The following PPIP5K2 variants were observed in gnomAD, a reference collection of about 807,000 sequenced individuals.
The protein encoded by PPIP5K2 is diphosphoinositol pentakisphosphate kinase 2.
In PPIP5K2, 105 loss-of-function variants were observed where a neutral mutation model predicts 154.6. The observed-to-expected ratio is 0.68, with a 90% CI of 0.58 to 0.80. The LOEUF (loss-of-function observed/expected upper bound fraction) is 0.80. Ranked by LOEUF, PPIP5K2 falls within the 30% of genes least tolerant of loss-of-function variation. The probability of loss-of-function intolerance (pLI) is 0.00; values close to 1 mark genes in which losing one functional copy is unlikely to be tolerated. For synonymous variants in PPIP5K2, 480 were observed against 490.3 expected (o/e 0.98, Z 0.28); for missense variants, 992 against 1,504.6 (o/e 0.66, Z 5.64).
intron 19 of PPIP5K2, among the ~76,000 whole-genome samples, chr5:103,172,536 T>A (rs561208717): frequency 6.6e-6 from 1 of 151,730 alleles, no homozygotes; most frequent in East Asian, 1.9e-4. Context: ...CCTCTTCTAC[T>A]GCTTTGAACT....
At chr5:103,196,847 T>C (rs781920255) in intron 30 of PPIP5K2, among the ~76,000 whole-genome samples, 1 of 151,952 alleles carries the variant, frequency 6.6e-6, no homozygotes, top group African/African-American at 2.4e-5. Context: ...GAAAAAAACA[T>C]AGGGTAAGAC....
intron 14 of PPIP5K2, among the ~76,000 whole-genome samples, chr5:103,157,532 C>T (rs1349205657): frequency 6.6e-6 from 1 of 152,046 alleles, no homozygotes; most frequent in East Asian, 1.9e-4. Context: ...AATCCCAGCA[C>T]TTTAGGAGGC....
intron 15 of PPIP5K2, 44 bp downstream of exon 15, chr5:103,158,357 G>C (rs562051481): frequency 6.3e-7 from 1 of 1,596,516 alleles, no homozygotes; most frequent in Non-Finnish European, 8.5e-7. Flanking sequence ...TTCATAAATT[G>C]TATTTTGAAA....
intron 5 of PPIP5K2, among the ~76,000 whole-genome samples, chr5:103,142,960 A>G (rs1793098303): frequency 2.0e-5 from 3 of 152,328 alleles, no homozygotes; most frequent in South Asian, 4.1e-4. Flanking sequence ...TTTTACGAGT[A>G]TAGAAACATA....
chr5:103,169,128 C>G (rs1407896293), intron 19 of PPIP5K2, among the ~76,000 whole-genome samples: 4 of 151,668 alleles, frequency 2.6e-5, no homozygotes, highest in Admixed American at 6.6e-5. Context: ...AACAAGAATT[C>G]AATTAACTAA....
intron 5 of PPIP5K2, among the ~76,000 whole-genome samples, chr5:103,144,964 A>T (rs531525546): frequency 2.6e-5 from 4 of 152,152 alleles, no homozygotes; most frequent in Non-Finnish European, 5.9e-5. Context: ...CAATACAGTG[A>T]AGAGACAGTC....
intron 3 of PPIP5K2, 28 bp downstream of exon 3, chr5:103,133,676 C>T: frequency 1.3e-6 from 2 of 1,499,728 alleles, no homozygotes; most frequent in Non-Finnish European, 8.9e-7. Context: ...GGAGAAACTC[C>T]TTTATCCTCT....
intron 1 of PPIP5K2, among the ~76,000 whole-genome samples, chr5:103,126,296 C>A (rs958717948): frequency 1.3e-5 from 2 of 152,098 alleles, no homozygotes; most frequent in Non-Finnish European, 2.9e-5. Context: ...CTATATACTT[C>A]ATACAGCATT....
chr5:103,147,586 T>C (rs1355988246), intron 6 of PPIP5K2, among the ~76,000 whole-genome samples: 3 of 151,850 alleles, frequency 2.0e-5, no homozygotes, highest in Non-Finnish European at 4.4e-5. Context: ...TAAACATACA[T>C]TGATAGGAGA....
rs1027983833 is a variant in PPIP5K2 at position 103,205,007 on chromosome 5, C to T, written c.*3373C>T. On this transcript the variant is annotated 3_prime_UTR_variant, in exon 31 of 31. Transcript: ENST00000358359. Reference sequence around the variant, plus strand: ...TCTCCTAATGCTATCCCTCCCCCAGCCCCCCACCCACTGACAGGCCCAGTG... The same window carrying T: ...TCTCCTAATGCTATCCCTCCCCCAGTCCCCCACCCACTGACAGGCCCAGTG... The T allele has an allele frequency of 6.1e-4, 92 of 152,052 alleles. No individual in the cohort carries two copies. The highest frequency in any genetic ancestry group is 2.1e-3 in the African/African-American group (85 of 41,462). 9.4% of individuals were successfully genotyped at this position (152,052 alleles called of 1,614,324 possible).
At chr5:103,175,526 A>G (rs17155109) in intron 21 of PPIP5K2, among the ~76,000 whole-genome samples, 3,685 of 152,232 alleles carry the variant, frequency 0.024, 159 homozygotes, top group African/African-American at 0.084. Context: ...GATCATGAGT[A>G]ATATAGGAAC....
chr5:103,184,441 A>G (rs949246548), intron 25 of PPIP5K2: 8 of 396,250 alleles, frequency 2.0e-5, no homozygotes, highest in Middle Eastern at 1.3e-3. Flanking sequence ...TGTTTCATAC[A>G]TGATGTTTCA....
Position 103,136,767 on chromosome 5 carries a change from C to T in PPIP5K2, c.346C>T (p.Leu116Phe). 1 of 1,613,762 alleles carries T rather than the reference C, an allele frequency of 6.2e-7. No homozygotes were observed. Among genetic ancestry groups the T allele is most frequent in the Admixed American group, 1.7e-5 (1 of 60,020 alleles). ...GGACAAAGCGGTTGCCTATGCAAAA[C>T]TCAGGAATCCATTTGTAATCAATGA... Reference protein sequence around the residue: ...PLDKAVAYAKLRNPFVINDLN... With the variant: ...PLDKAVAYAKFRNPFVINDLN... Residue 116 changes from leucine to phenylalanine, a missense_variant, in exon 4 of 31, where the codon CTC becomes TTC. Coordinates refer to ENST00000358359, the MANE Select transcript of PPIP5K2 (RefSeq NM_001276277.3).
intron 1 of PPIP5K2, among the ~76,000 whole-genome samples, chr5:103,123,378 G>A (rs1232951266): frequency 2.0e-5 from 3 of 152,166 alleles, no homozygotes; most frequent in African/African-American, 2.4e-5. Context: ...ATTCCAGGAC[G>A]ACGAGCAACA....
At chr5:103,162,803 A>T (rs1796515754) in intron 17 of PPIP5K2, among the ~76,000 whole-genome samples, 1 of 152,118 alleles carries the variant, frequency 6.6e-6, no homozygotes, top group Non-Finnish European at 1.5e-5. Flanking sequence ...TATATCTTCT[A>T]TAAACTTACT....
chr5:103,169,447 T>C (rs528778825), intron 19 of PPIP5K2, among the ~76,000 whole-genome samples: 1 of 151,898 alleles, frequency 6.6e-6, no homozygotes, highest in African/African-American at 2.4e-5. Flanking sequence ...AACTGTCCCT[T>C]TCCTAATATT....
intron 24 of PPIP5K2, among the ~76,000 whole-genome samples, chr5:103,181,915 C>T (rs1381933174): frequency 2.0e-5 from 3 of 151,946 alleles, no homozygotes; most frequent in Non-Finnish European, 2.9e-5. Context: ...ATCATATAGT[C>T]GTTAAGGTTC....
At chr5:103,174,076 T>A in intron 21 of PPIP5K2, 104 bp downstream of exon 21, 1 of 868,324 alleles carries the variant, frequency 1.2e-6, no homozygotes. Flanking sequence ...ATCCTTAAGT[T>A]TTACTACTTA....
chr5:103,188,613 A>C (rs1298239326), intron 28 of PPIP5K2: 1 of 152,134 alleles, frequency 6.6e-6, no homozygotes, highest in East Asian at 1.9e-4. Flanking sequence ...AAGAAACCGC[A>C]TGCCTAAGAA....
Sources: gnomAD v4.1 joint callset for allele counts (sites outside exome capture counted in the v4.1 genomes callset) on GRCh38, gnomAD v4.1.1 for gene constraint, MANE v1.5 for transcripts, NCBI Gene and HGNC (gene_info 2026-07-23, HGNC 2026-07-21) for gene names.